Variants in ATP8B1 observed in about 807,000 individuals in gnomAD.
ATP8B1 encodes the protein ATPase phospholipid transporting 8B1.
Under a neutral mutation model 149.9 loss-of-function variants are expected in ATP8B1, and 80 were observed. The ratio of observed to expected loss-of-function variants is 0.53; its 90% CI spans 0.45 to 0.64. ATP8B1 has a LOEUF of 0.64. Ranked by LOEUF, ATP8B1 falls within the 30% of genes least tolerant of loss-of-function variation. The pLI, the probability that ATP8B1 is intolerant of heterozygous loss-of-function variation, is 0.00. For synonymous variants in ATP8B1, 536 were observed against 562.8 expected, an observed-to-expected ratio of 0.95 and a Z score of 0.67; for missense variants, 1,247 against 1,552.6, an observed-to-expected ratio of 0.80 and a Z score of 3.31.
At chr18:57,714,637 T>A (rs1913918313) in intron 2 of ATP8B1, among the ~76,000 whole-genome samples, 1 of 135,830 alleles carries the variant, frequency 7.4e-6, no homozygotes, top group South Asian at 2.3e-4. Flanking sequence ...GAGAGAGAGA[T>A]TGATTCTGTT....
At chr18:57,756,307 A>ACATATATATATATATATATG (rs2080082794) in intron 1 of ATP8B1, among the ~76,000 whole-genome samples, 1 of 141,644 alleles carries the variant, frequency 7.1e-6, no homozygotes, top group African/African-American at 2.7e-5. Flanking sequence ...GTATGTATAT[A>ACATATATATATATATATATG]TATATATATT....
rs752039650 is a variant in ATP8B1 at position 57,802,641 on chromosome 18, C to G, written c.-26+357G>C. Reference sequence around the variant, plus strand: ...ACCGCACAGGAGCCAGCGGCATCCCCCAAGGAGCCGCAAGCCCTACCTGGC... The same window carrying G: ...ACCGCACAGGAGCCAGCGGCATCCCGCAAGGAGCCGCAAGCCCTACCTGGC... On this transcript the variant is annotated intron_variant, in intron 1 of 27. Transcript: ENST00000648908. The surrounding 1 kb of genome is among the most constrained non-coding windows in gnomAD (Gnocchi z 4.9). Among the ~76,000 whole-genome samples the G allele has an allele frequency of 1.3e-5, 2 of 152,254 alleles. No individual in the cohort carries two copies. Among genetic ancestry groups the G allele is most frequent in the Non-Finnish European group, 2.9e-5 (2 of 68,050 alleles).
intron 1 of ATP8B1, among the ~76,000 whole-genome samples, chr18:57,794,462 TTA>T (rs2080491550): frequency 1.1e-5 from 1 of 90,304 alleles, no homozygotes; most frequent in Non-Finnish European, 2.0e-5. Flanking sequence ...CAACCTGACA[TTA>T]AAAAAAAAAA....
At position 57,672,946 on chromosome 18, in the gene ATP8B1, CAT is replaced by C. The variant is rs1209730595; in HGVS notation, c.1820-1368_1820-1367del. On this transcript the variant is annotated intron_variant, in intron 16 of 27. Transcript: ENST00000648908. Reference sequence around the variant, plus strand: ...TATATATATATAACATGTATATACACATATATACATACATATATCTACATATA... The same window carrying C: ...TATATATATATAACATGTATATACACATATACATACATATATCTACATATA... Among the ~76,000 whole-genome samples, 120 of 69,724 alleles carry C rather than the reference CAT, an allele frequency of 1.7e-3. 2 individuals are homozygous for C. The highest frequency in any genetic ancestry group is 2.8e-3 in the Admixed American group (13 of 4,600). The allele number at this position is 69,724 out of a possible 152,430, so 45.7% of individuals were successfully genotyped here.
intron 1 of ATP8B1, among the ~76,000 whole-genome samples, chr18:57,790,377 A>G (rs1229009667): frequency 6.6e-6 from 1 of 152,012 alleles, no homozygotes; most frequent in African/African-American, 2.4e-5. Context: ...AAAACCAGGA[A>G]TCAAATCACA....
At chr18:57,785,347 C>T (rs1168244882) in intron 1 of ATP8B1, among the ~76,000 whole-genome samples, 2 of 152,316 alleles carry the variant, frequency 1.3e-5, no homozygotes, top group East Asian at 3.9e-4. Flanking sequence ...ATATCTCTAA[C>T]CCAAACCAAA....
chr18:57,653,960 C>G (rs1261285042), intron 24 of ATP8B1, 32 bp downstream of exon 24: 1 of 1,574,384 alleles, frequency 6.4e-7, no homozygotes, highest in Non-Finnish European at 8.7e-7. Context: ...CTCATCTGTC[C>G]AGAAGTGTCC....
At chr18:57,670,929 G>C (rs1911184876) in intron 17 of ATP8B1, among the ~76,000 whole-genome samples, 1 of 151,986 alleles carries the variant, frequency 6.6e-6, no homozygotes, top group Non-Finnish European at 1.5e-5. Flanking sequence ...GGCTGGTCTT[G>C]AACTCCTGAC....
chr18:57,719,892 G>C (rs932305991), intron 2 of ATP8B1, among the ~76,000 whole-genome samples: 16 of 152,186 alleles, frequency 1.1e-4, no homozygotes, highest in Non-Finnish European at 2.1e-4. Flanking sequence ...CACGCAGCTG[G>C]AGATCTGAGA....
intron 15 of ATP8B1, among the ~76,000 whole-genome samples, chr18:57,677,968 C>T (rs1194629430): frequency 6.6e-6 from 1 of 152,080 alleles, no homozygotes; most frequent in African/African-American, 2.4e-5. Context: ...AAAATGTTTT[C>T]CATTACCTTC....
chr18:57,757,655 T>G (rs2136444), intron 1 of ATP8B1, among the ~76,000 whole-genome samples: 26 of 152,276 alleles, frequency 1.7e-4, no homozygotes, highest in African/African-American at 5.5e-4. Flanking sequence ...CCCATTTCCT[T>G]TCTATATGTT....
chr18:57,688,838 G>A (rs1054400099), intron 12 of ATP8B1, among the ~76,000 whole-genome samples: 16 of 152,172 alleles, frequency 1.1e-4, no homozygotes, highest in African/African-American at 3.6e-4. Context: ...AAAGCAGAAA[G>A]TGAGCCTTTG....
chr18:57,683,229 AC>A (rs1912070379), intron 15 of ATP8B1, among the ~76,000 whole-genome samples: 1 of 152,238 alleles, frequency 6.6e-6, no homozygotes, highest in African/African-American at 2.4e-5. Flanking sequence ...TGTATGCCGC[AC>A]TGACTGAAGT....
intron 2 of ATP8B1, among the ~76,000 whole-genome samples, chr18:57,720,156 C>G (rs1282182356): frequency 1.3e-5 from 2 of 150,358 alleles, no homozygotes. Context: ...AAAAACAGAA[C>G]AGAAAAACTG....
intron 26 of ATP8B1, among the ~76,000 whole-genome samples, chr18:57,650,746 A>G (rs1409608099): frequency 6.6e-6 from 1 of 152,166 alleles, no homozygotes; most frequent in Admixed American, 6.6e-5. Context: ...AGGAGACAGC[A>G]GAATTGCTTG....
intron 15 of ATP8B1, among the ~76,000 whole-genome samples, chr18:57,679,992 C>G (rs2122786185): frequency 6.6e-6 from 1 of 151,768 alleles, no homozygotes; most frequent in East Asian, 2.0e-4. Context: ...AATAAACTAC[C>G]TGGCCAGGCA....
At position 57,670,941 on chromosome 18, in the gene ATP8B1, T is replaced by C. The variant is rs549888133; in HGVS notation, c.1932+527A>G. Among the ~76,000 whole-genome samples, 3 of 152,198 alleles carry C rather than the reference T, an allele frequency of 2.0e-5. No individual in the cohort carries two copies. The South Asian group carries it at 6.2e-4, about 32-fold the overall frequency. Reference sequence around the variant, plus strand: ...CCAGGCTGGTCTTGAACTCCTGACCTCAGGTGATACACCCGCCTTGGCCTC... The same window carrying C: ...CCAGGCTGGTCTTGAACTCCTGACCCCAGGTGATACACCCGCCTTGGCCTC... On this transcript the variant is annotated intron_variant, in intron 17 of 27. Coordinates refer to ENST00000648908, the MANE Select transcript of ATP8B1 (RefSeq NM_001374385.1).
In ATP8B1 at chr18:57,661,678, C is replaced by CACAT. The variant is rs796452165; in HGVS notation, c.2419-217_2419-216insATGT. 0.16 allele frequency among the ~76,000 whole-genome samples: 10,200 copies of CACAT among 62,826 alleles called. 648 individuals carry two copies. The highest frequency in any genetic ancestry group is 0.22 in the Non-Finnish European group (7,135 of 32,496). The allele number at this position is 62,826 out of a possible 152,430, so 41.2% of individuals were successfully genotyped here. On this transcript the variant is annotated intron_variant, in intron 21 of 27. Coordinates refer to ENST00000648908, the MANE Select transcript of ATP8B1 (RefSeq NM_001374385.1). The stretch of plus-strand genomic sequence containing the variant: ...ATATATGTATGTGTGTATGTATATA[C>CACAT]ACACACACACACACACACATATATA...
intron 2 of ATP8B1, among the ~76,000 whole-genome samples, chr18:57,719,345 G>T (rs1015879444): frequency 6.6e-4 from 101 of 152,318 alleles, no homozygotes; most frequent in African/African-American, 2.3e-3. Context: ...TCCATCTGAG[G>T]TACCGGGTTC....
Sources: gnomAD v4.1 joint callset for allele counts (sites outside exome capture counted in the v4.1 genomes callset) on GRCh38, gnomAD v4.1.1 for gene constraint, Gnocchi (gnomAD v3.1) non-coding constraint, MANE v1.5 for transcripts, NCBI Gene and HGNC (gene_info 2026-07-23, HGNC 2026-07-21) for gene names.